The following DLG2 variants were observed in gnomAD, a reference collection of about 807,000 sequenced individuals.
The protein encoded by DLG2 is discs large MAGUK scaffold protein 2, also known as disks large homolog 2.
DLG2 carries 45 observed loss-of-function variants against 132.5 expected under a neutral mutation model. The ratio of observed to expected loss-of-function variants is 0.34; its 90% CI spans 0.27 to 0.44. DLG2 has a LOEUF of 0.44. Among genes scored for constraint, DLG2 ranks in the 20% least tolerant of loss-of-function variants. The pLI, the probability that DLG2 is intolerant of heterozygous loss-of-function variation, is 1.00. For missense variants in DLG2, 1,045 were observed against 1,196.9 expected, an observed-to-expected ratio of 0.87 and a Z score of 1.87; for synonymous variants, 424 against 419.6, an observed-to-expected ratio of 1.01 and a Z score of -0.13.
At chr11:84,477,705 G>A (rs2099125475) in intron 7 of DLG2, among the ~76,000 whole-genome samples, 1 of 152,144 alleles carries the variant, frequency 6.6e-6, no homozygotes, top group Admixed American at 6.6e-5. Flanking sequence ...ACCCTTCAGT[G>A]AAGAGAACTT....
At chr11:85,516,384 G>A (rs1022009370) in intron 3 of DLG2, among the ~76,000 whole-genome samples, 1 of 151,804 alleles carries the variant, frequency 6.6e-6, no homozygotes, top group Non-Finnish European at 1.5e-5. Context: ...GCACCTCAAG[G>A]ACCCAGAAGA....
At chr11:84,218,057 A>G (rs896950403) in intron 8 of DLG2, among the ~76,000 whole-genome samples, 7 of 152,102 alleles carry the variant, frequency 4.6e-5, no homozygotes, top group African/African-American at 1.4e-4. Context: ...AATCCCAGCC[A>G]TTTGGGAGGC....
At chr11:83,577,782 ATTATATTTTATATAT>A (rs1425485942) in intron 19 of DLG2, among the ~76,000 whole-genome samples, 4 of 127,098 alleles carry the variant, frequency 3.1e-5, no homozygotes, top group Non-Finnish European at 4.7e-5. Context: ...TATTAAATAT[ATTATATTTTATATAT>A]TTATATTTTA....
At chr11:84,760,119 CTCA>C (rs2067410290) in intron 6 of DLG2, among the ~76,000 whole-genome samples, 1 of 152,154 alleles carries the variant, frequency 6.6e-6, no homozygotes, top group South Asian at 2.1e-4. Context: ...ACCTGGGCAT[CTCA>C]TCAATTTCTT....
chr11:85,475,384 A>G (rs1367452335), intron 3 of DLG2, among the ~76,000 whole-genome samples: 3 of 152,032 alleles, frequency 2.0e-5, no homozygotes, highest in Admixed American at 6.6e-5. Context: ...ATCCTAATAT[A>G]ACCTTGAAAC....
chr11:85,391,983 T>C (rs1156766594), intron 3 of DLG2, among the ~76,000 whole-genome samples: 2 of 152,026 alleles, frequency 1.3e-5, no homozygotes, highest in Non-Finnish European at 2.9e-5. Context: ...AAATTGGTAA[T>C]GAGGAAGTCA....
chr11:84,466,764 G>A (rs186306731), intron 7 of DLG2, among the ~76,000 whole-genome samples: 142 of 151,280 alleles, frequency 9.4e-4, no homozygotes, highest in Non-Finnish European at 1.7e-3. Context: ...CAGAAATCCC[G>A]TTTACAGGAT....
At chr11:84,825,868 G>T (rs568817351) in intron 6 of DLG2, among the ~76,000 whole-genome samples, 3 of 151,728 alleles carry the variant, frequency 2.0e-5, no homozygotes. Context: ...CCCTGTAAAT[G>T]CTGTTTTGTT....
At chr11:85,394,950 C>T (rs1168250942) in intron 3 of DLG2, among the ~76,000 whole-genome samples, 1 of 152,180 alleles carries the variant, frequency 6.6e-6, no homozygotes, top group Non-Finnish European at 1.5e-5. Flanking sequence ...CTTGCTGGAA[C>T]ATGTATACTT....
At chr11:84,923,613 G>A (rs1282273734) in intron 6 of DLG2, 2 of 990,354 alleles carry the variant, frequency 2.0e-6, no homozygotes, top group Non-Finnish European at 2.4e-6. Context: ...TTCTTCCTTT[G>A]GAGGTTTAAT....
intron 6 of DLG2, among the ~76,000 whole-genome samples, chr11:84,886,769 T>C (rs1326380501): frequency 6.6e-6 from 1 of 152,170 alleles, no homozygotes; most frequent in African/African-American, 2.4e-5. Flanking sequence ...AGAATGTATT[T>C]ATTTCTGTTC....
At chr11:84,185,999 GT>G (rs1248670065) in intron 8 of DLG2, among the ~76,000 whole-genome samples, 1 of 152,058 alleles carries the variant, frequency 6.6e-6, no homozygotes, top group Admixed American at 6.6e-5. Context: ...CCAATTGCCT[GT>G]GGCCATGATT....
chr11:85,540,419 G>C (rs768507305), intron 3 of DLG2, among the ~76,000 whole-genome samples: 1 of 152,130 alleles, frequency 6.6e-6, no homozygotes, highest in African/African-American at 2.4e-5. Context: ...TGTGGAATTT[G>C]GTCAGTAGTG....
intron 11 of DLG2, among the ~76,000 whole-genome samples, chr11:84,048,847 C>A (rs985091108): frequency 4.4e-4 from 67 of 151,094 alleles, no homozygotes; most frequent in African/African-American, 5.8e-4. Context: ...GAAAAAAAAA[C>A]ACACACACAC....
chr11:83,760,783 C>T (rs2093872094), intron 18 of DLG2, among the ~76,000 whole-genome samples: 1 of 152,202 alleles, frequency 6.6e-6, no homozygotes, highest in Non-Finnish European at 1.5e-5. Flanking sequence ...TGGCATCTTC[C>T]CAGTTCAACA....
At chr11:84,630,501 G>A (rs1201828517) in intron 6 of DLG2, among the ~76,000 whole-genome samples, 2 of 152,026 alleles carry the variant, frequency 1.3e-5, no homozygotes, top group South Asian at 2.1e-4. Flanking sequence ...TTTGTTATGT[G>A]ACAAAAACAG....
intron 6 of DLG2, among the ~76,000 whole-genome samples, chr11:85,020,482 AT>A (rs1250779083): frequency 6.6e-6 from 1 of 152,036 alleles, no homozygotes; most frequent in African/African-American, 2.4e-5. Flanking sequence ...CCATTTGTCT[AT>A]TTTGGCTTTT....
At chr11:85,363,904 T>C (rs1163725558) in intron 3 of DLG2, among the ~76,000 whole-genome samples, 2 of 152,200 alleles carry the variant, frequency 1.3e-5, no homozygotes, top group Non-Finnish European at 2.9e-5. Flanking sequence ...GACAGCATCA[T>C]TTCTCATATG....
intron 7 of DLG2, among the ~76,000 whole-genome samples, chr11:84,417,490 C>T (rs917166723): frequency 3.3e-5 from 5 of 152,162 alleles, no homozygotes; most frequent in African/African-American, 1.2e-4. Context: ...CATAGTCCCT[C>T]ATCGGTACTT....
Sources: gnomAD v4.1 joint callset for allele counts (sites outside exome capture counted in the v4.1 genomes callset) on GRCh38, gnomAD v4.1.1 for gene constraint, MANE v1.5 for transcripts, NCBI Gene and HGNC (gene_info 2026-07-23, HGNC 2026-07-21) for gene names.